DPF3: variants seen among roughly 807,000 people sequenced by gnomAD.
The protein encoded by DPF3 is zinc finger protein DPF3.
A neutral mutation model predicts 56.8 loss-of-function variants in DPF3; 18 were observed. That is an observed-to-expected ratio of 0.32 (90% CI 0.22 to 0.47). The LOEUF is 0.47. Among genes scored for constraint, DPF3 ranks in the 20% least tolerant of loss-of-function variants. The pLI is 1.00. For synonymous variants in DPF3, 188 were observed against 180.2 expected (o/e 1.04, Z -0.35); for missense variants, 403 against 488.8 (o/e 0.82, Z 1.65).
At chr14:72,683,724 G>A (rs1887273424) in intron 7 of DPF3, among the ~76,000 whole-genome samples, 1 of 152,172 alleles carries the variant, frequency 6.6e-6, no homozygotes, top group African/African-American at 2.4e-5. Context: ...AGATTTTGCT[G>A]TGCAAATCAT....
intron 8 of DPF3, among the ~76,000 whole-genome samples, chr14:72,652,900 G>A (rs942133132): frequency 6.6e-6 from 1 of 152,180 alleles, no homozygotes; most frequent in Non-Finnish European, 1.5e-5. Flanking sequence ...ATGCAGAGGT[G>A]GGTAGGGTGG....
chr14:72,680,948 G>A (rs1887141084), intron 7 of DPF3, among the ~76,000 whole-genome samples: 1 of 152,252 alleles, frequency 6.6e-6, no homozygotes, highest in Non-Finnish European at 1.5e-5. Context: ...GAAAAGCCAA[G>A]TTTTCCACAC....
chr14:72,722,388 C>T (rs1024077709), intron 5 of DPF3, among the ~76,000 whole-genome samples: 5 of 152,188 alleles, frequency 3.3e-5, no homozygotes, highest in Non-Finnish European at 7.3e-5. Context: ...GTGTGTGCCG[C>T]GCTGGCCGAT....
intron 8 of DPF3, among the ~76,000 whole-genome samples, chr14:72,659,395 C>T (rs1384975125): frequency 6.6e-6 from 1 of 152,168 alleles, no homozygotes. Context: ...AGACAGAAAG[C>T]ACATCATTCT....
chr14:72,746,423 C>T (rs1298864133), intron 3 of DPF3, among the ~76,000 whole-genome samples: 4 of 152,026 alleles, frequency 2.6e-5, no homozygotes, highest in Non-Finnish European at 5.9e-5. Flanking sequence ...GCTGTTCAGA[C>T]TCAGAAGAGG....
At chr14:72,682,327 G>C (rs1887199704) in intron 7 of DPF3, among the ~76,000 whole-genome samples, 1 of 152,022 alleles carries the variant, frequency 6.6e-6, no homozygotes, top group South Asian at 2.1e-4. Context: ...AGTGTTTGGT[G>C]ATATGGGTCA....
chr14:72,692,298 A>G (rs1285419239), intron 7 of DPF3, among the ~76,000 whole-genome samples: 1 of 152,226 alleles, frequency 6.6e-6, no homozygotes, highest in Non-Finnish European at 1.5e-5. Flanking sequence ...ATCTTCAAGC[A>G]GGCTCTAAAG....
At chr14:72,885,373 T>G (rs776274028) in intron 1 of DPF3, among the ~76,000 whole-genome samples, 11 of 8,152 alleles carry the variant, frequency 1.3e-3, no homozygotes, top group Admixed American at 4.5e-3. Flanking sequence ...TTTTTGGGTT[T>G]GTTTGTTTGT....
chr14:72,754,143 G>A (rs553699042), intron 2 of DPF3, among the ~76,000 whole-genome samples: 4 of 152,294 alleles, frequency 2.6e-5, no homozygotes, highest in Admixed American at 2.6e-4. Context: ...GACAACAATT[G>A]TGTGTGGCTC....
chr14:72,836,424 GCACCCTCCTC>G (rs1884297742), intron 1 of DPF3: 8 of 985,484 alleles, frequency 8.1e-6, no homozygotes, highest in Non-Finnish European at 8.4e-6. Flanking sequence ...CTGGATAAGC[GCACCCTCCTC>G]CATGCCTCCC....
chr14:72,763,561 T>C (rs1891144886), intron 2 of DPF3, among the ~76,000 whole-genome samples: 1 of 152,116 alleles, frequency 6.6e-6, no homozygotes, highest in African/African-American at 2.4e-5. Context: ...AACTAATGCA[T>C]ACTTTGTACC....
chr14:72,811,603 G>A (rs549054375), intron 1 of DPF3, among the ~76,000 whole-genome samples: 5 of 152,162 alleles, frequency 3.3e-5, no homozygotes, highest in South Asian at 2.1e-4. Flanking sequence ...TCACCACACC[G>A]ATCACCAATG....
In DPF3 at chr14:72,753,347, G is replaced by A; in HGVS notation, c.218C>T (p.Thr73Ile). Residue 73 changes from threonine to isoleucine, a missense_variant, in exon 3 of 11, where the codon ACA becomes ATA. Thr to Ile is a moderately conservative substitution (Grantham distance 89). Around this residue, in one of 2 missense-constraint regions of DPF3, gnomAD observed 340 missense variants for 374.3 expected, o/e 0.91. Transcript: ENST00000556509. ...GPGLAPGQLY[T>I]YPARCWRKKR... Reference sequence around the variant, plus strand: ...CTTGCGCCAGCAGCGGGCAGGGTATGTATACAGCTGGCCCGGGGCAAGGCC... The same window carrying A: ...CTTGCGCCAGCAGCGGGCAGGGTATATATACAGCTGGCCCGGGGCAAGGCC... The A allele has an allele frequency of 1.2e-6, 2 of 1,612,880 alleles. No individual in the cohort carries two copies. Among genetic ancestry groups the A allele is most frequent in the Non-Finnish European group, 1.7e-6 (2 of 1,179,744 alleles).
intron 6 of DPF3, among the ~76,000 whole-genome samples, chr14:72,694,918 G>A (rs567688583): frequency 7.9e-5 from 12 of 152,172 alleles, no homozygotes; most frequent in South Asian, 2.1e-4. Flanking sequence ...GGTAAATTAC[G>A]TTGATTTCCT....
chr14:72,876,369 C>A (rs1434418085), intron 1 of DPF3, among the ~76,000 whole-genome samples: 1 of 152,170 alleles, frequency 6.6e-6, no homozygotes, highest in Admixed American at 6.5e-5. Flanking sequence ...GACAGACAAT[C>A]CCCCTTGCTG....
At chr14:72,835,402 A>G (rs1884250420) in intron 1 of DPF3, among the ~76,000 whole-genome samples, 1 of 152,208 alleles carries the variant, frequency 6.6e-6, no homozygotes, top group Non-Finnish European at 1.5e-5. Flanking sequence ...ATGTTCCGGC[A>G]TCAGATGTGG....
chr14:72,762,602 A>G (rs1442397294), intron 2 of DPF3, among the ~76,000 whole-genome samples: 2 of 151,852 alleles, frequency 1.3e-5, no homozygotes, highest in Non-Finnish European at 2.9e-5. Context: ...TCAATCTGAT[A>G]AAGAATATCT....
chr14:72,760,208 T>TACCACC (rs1891010294), intron 2 of DPF3, among the ~76,000 whole-genome samples: 1 of 152,170 alleles, frequency 6.6e-6, no homozygotes, highest in Non-Finnish European at 1.5e-5. Context: ...CGGTGGCTCA[T>TACCACC]ACCTGTAATC....
At chr14:72,750,531 T>C (rs1269439539) in intron 3 of DPF3, among the ~76,000 whole-genome samples, 4 of 152,128 alleles carry the variant, frequency 2.6e-5, no homozygotes, top group South Asian at 2.1e-4. Flanking sequence ...AAAATATTCA[T>C]TGCATCACTC....
Sources: allele counts gnomAD v4.1 joint callset (sites outside exome capture counted in the v4.1 genomes callset), GRCh38; gene constraint gnomAD v4.1.1; regional missense constraint gnomAD v4.1.1; transcripts MANE v1.5; gene names NCBI Gene and HGNC (gene_info 2026-07-23, HGNC 2026-07-21).